The following ARMH3 variants were observed in gnomAD, a reference collection of about 807,000 sequenced individuals.
The protein encoded by ARMH3 is armadillo-like helical domain-containing protein 3.
In ARMH3, 60 loss-of-function variants were observed where a neutral mutation model predicts 99.1. That is an observed-to-expected ratio of 0.61 (90% CI 0.49 to 0.75). The LOEUF (loss-of-function observed/expected upper bound fraction) is 0.75. Ranked by LOEUF, ARMH3 falls within the 30% of genes least tolerant of loss-of-function variation. The pLI is 0.00. For missense variants in ARMH3, 679 were observed against 843.1 expected (o/e 0.81, Z 2.41); for synonymous variants, 285 against 292.8 (o/e 0.97, Z 0.27).
chr10:101,919,003 A>T lies in ARMH3; in HGVS notation c.1781+20860T>A, dbSNP rs563659381. ...ATCTAAATCTAGGTCAGTTTAGTCA[A>T]ATCTATAGATAATTAAATGACTTGT... On this transcript the variant is annotated intron_variant, in intron 23 of 25. Transcript: ENST00000370033. Among the ~76,000 whole-genome samples, 3 of 152,334 alleles carry T rather than the reference A, an allele frequency of 2.0e-5. No homozygotes were observed. The East Asian group carries it at 5.8e-4, about 29-fold the overall frequency.
chr10:101,960,316 C>T (rs540249744), intron 20 of ARMH3, among the ~76,000 whole-genome samples: 1 of 152,304 alleles, frequency 6.6e-6, no homozygotes, highest in African/African-American at 2.4e-5. Context: ...TCATAATCTC[C>T]TTGACTTTGC....
At chr10:101,920,677 C>T (rs1253919082) in intron 23 of ARMH3, among the ~76,000 whole-genome samples, 1 of 152,120 alleles carries the variant, frequency 6.6e-6, no homozygotes, top group African/African-American at 2.4e-5. Flanking sequence ...GAACTAACTA[C>T]TAGATACTTG....
intron 23 of ARMH3, among the ~76,000 whole-genome samples, chr10:101,902,948 G>C (rs2068016661): frequency 6.6e-6 from 1 of 152,168 alleles, no homozygotes; most frequent in Non-Finnish European, 1.5e-5. Context: ...CGGAGGGTGA[G>C]GCGGTTGGCT....
At chr10:101,910,818 C>T (rs1269458213) in intron 23 of ARMH3, among the ~76,000 whole-genome samples, 2 of 150,760 alleles carry the variant, frequency 1.3e-5, no homozygotes, top group South Asian at 2.1e-4. Context: ...CATGCCCACA[C>T]ACATTCAGGT....
chr10:101,881,411 C>G (rs1032436398), intron 24 of ARMH3, among the ~76,000 whole-genome samples: 1 of 152,036 alleles, frequency 6.6e-6, no homozygotes, highest in Non-Finnish European at 1.5e-5. Flanking sequence ...GTTACCAGGG[C>G]AGCTGAGGGT....
intron 25 of ARMH3, among the ~76,000 whole-genome samples, chr10:101,848,621 A>G (rs937364923): frequency 2.6e-5 from 4 of 152,202 alleles, no homozygotes; most frequent in Admixed American, 2.0e-4. Context: ...CATGGCAAAC[A>G]GCAGGAAACT....
chr10:102,033,954 C>T (rs769262758), intron 2 of ARMH3, among the ~76,000 whole-genome samples: 3 of 152,200 alleles, frequency 2.0e-5, no homozygotes, highest in South Asian at 2.1e-4. Context: ...ACATGCCTCC[C>T]GTGCATTGGT....
At chr10:101,931,621 A>G (rs1046104988) in intron 23 of ARMH3, among the ~76,000 whole-genome samples, 10 of 152,080 alleles carry the variant, frequency 6.6e-5, no homozygotes, top group Admixed American at 5.9e-4. Context: ...AATTCACTCA[A>G]AATGGATCAA....
chr10:101,992,544 G>T (rs1013463573), intron 17 of ARMH3, among the ~76,000 whole-genome samples: 1 of 149,960 alleles, frequency 6.7e-6, no homozygotes, highest in African/African-American at 2.4e-5. Flanking sequence ...TGCCCAGGCT[G>T]GAGTGAAGTG....
At chr10:101,982,788 C>A (rs1846293055) in intron 19 of ARMH3, among the ~76,000 whole-genome samples, 1 of 152,050 alleles carries the variant, frequency 6.6e-6, no homozygotes, top group Non-Finnish European at 1.5e-5. Context: ...TCTCCCATCA[C>A]TCCCAGACAG....
chr10:101,847,626 A>G lies in ARMH3; in HGVS notation c.1978-6T>C. 1 of 1,613,954 alleles carries G rather than the reference A, an allele frequency of 6.2e-7. No homozygotes were observed. The highest frequency in any genetic ancestry group is 8.5e-7 in the Non-Finnish European group (1 of 1,179,854). ...TTGGTGCTAATGGATCGAACCTGGG[A>G]AAGGGTAGTTGGGGAAGGTGGGAGG... On this transcript the variant is annotated splice_polypyrimidine_tract_variant and splice_region_variant and intron_variant, in intron 25 of 25. Transcript: ENST00000370033.
chr10:101,887,712 T>G (rs1478296005), intron 24 of ARMH3, among the ~76,000 whole-genome samples: 5 of 150,292 alleles, frequency 3.3e-5, no homozygotes, highest in Non-Finnish European at 7.4e-5. Flanking sequence ...GGATTACAAG[T>G]GTGAGCCACC....
chr10:101,859,958 T>TA (rs1283322186), intron 24 of ARMH3, among the ~76,000 whole-genome samples: 1 of 152,014 alleles, frequency 6.6e-6, no homozygotes, highest in Non-Finnish European at 1.5e-5. Context: ...GATAAAATAT[T>TA]AGAGACCCAA....
At chr10:101,973,337 G>A (rs545456259) in intron 20 of ARMH3, among the ~76,000 whole-genome samples, 28 of 147,928 alleles carry the variant, frequency 1.9e-4, no homozygotes, top group South Asian at 1.1e-3. Flanking sequence ...TCCAGGCTGG[G>A]CGACAGAGCG....
intron 1 of ARMH3, among the ~76,000 whole-genome samples, chr10:102,048,898 C>T (rs2067622662): frequency 6.6e-6 from 1 of 152,150 alleles, no homozygotes; most frequent in South Asian, 2.1e-4. Flanking sequence ...TAACATACTA[C>T]CTGGAGGTAA....
intron 4 of ARMH3, among the ~76,000 whole-genome samples, chr10:102,030,386 T>C (rs1353285464): frequency 6.6e-6 from 1 of 152,168 alleles, no homozygotes; most frequent in African/African-American, 2.4e-5. Context: ...AGTTCAATCA[T>C]GGGATTGGTG....
intron 22 of ARMH3, chr10:101,952,639 A>C (rs1844843649): frequency 6.6e-6 from 1 of 152,214 alleles, no homozygotes; most frequent in African/African-American, 2.4e-5. Flanking sequence ...AAGAAGGGGG[A>C]AAAGAGGAGA....
intron 23 of ARMH3, among the ~76,000 whole-genome samples, chr10:101,895,752 G>A: frequency 6.6e-6 from 1 of 152,114 alleles, no homozygotes; most frequent in South Asian, 2.1e-4. Flanking sequence ...CACAGAATAA[G>A]AGAAAATATT....
intron 23 of ARMH3, among the ~76,000 whole-genome samples, chr10:101,929,389 T>C (rs1843632063): frequency 6.6e-6 from 1 of 152,224 alleles, no homozygotes; most frequent in Non-Finnish European, 1.5e-5. Context: ...AAAGGAAATG[T>C]ATGTATCTAA....
Sources: allele counts gnomAD v4.1 joint callset (sites outside exome capture counted in the v4.1 genomes callset), GRCh38; gene constraint gnomAD v4.1.1; transcripts MANE v1.5; gene names NCBI Gene and HGNC (gene_info 2026-07-23, HGNC 2026-07-21).